The following PTPRD variants were observed in gnomAD, a reference collection of about 807,000 sequenced individuals.
PTPRD encodes receptor-type tyrosine-protein phosphatase delta.
A neutral mutation model predicts 214.5 loss-of-function variants in PTPRD; 34 were observed. That is an observed-to-expected ratio of 0.16 (90% CI 0.12 to 0.21). The LOEUF (loss-of-function observed/expected upper bound fraction) is 0.21. Ranked by LOEUF, PTPRD falls within the 10% of genes least tolerant of loss-of-function variation. The pLI is 1.00. For missense variants in PTPRD, 2,545 were observed against 2,398.7 expected (o/e 1.06, Z -1.27); for synonymous variants, 1,128 against 845.7 (o/e 1.33, Z -5.79).
At chr9:8,321,526 T>A (rs56702132) in intron 44 of PTPRD, among the ~76,000 whole-genome samples, 4,779 of 115,460 alleles carry the variant, frequency 0.041, 141 homozygotes, top group South Asian at 0.073. Context: ...TATATATATA[T>A]AAAAGGTATA....
intron 5 of PTPRD, among the ~76,000 whole-genome samples, chr9:9,797,542 C>T (rs987377745): frequency 1.3e-4 from 19 of 151,954 alleles, no homozygotes; most frequent in African/African-American, 1.9e-4. Context: ...CTATACTTGA[C>T]GAAAAGGATC....
rs150017686 is a variant in PTPRD at position 9,486,445 on chromosome 9, A to G, written c.-237+88287T>C. ...TCTTTCAGATTTCCAGCATTATTTGATGCTATGGAAAATTCCCTTCTTGAA... is the reference window on the plus strand; with the variant it reads ...TCTTTCAGATTTCCAGCATTATTTGGTGCTATGGAAAATTCCCTTCTTGAA... On this transcript the variant is annotated intron_variant, in intron 8 of 45. Transcript: ENST00000381196. Among the ~76,000 whole-genome samples, 573 of 152,224 alleles carry G rather than the reference A, an allele frequency of 3.8e-3. 6 individuals carry two copies. The highest frequency in any genetic ancestry group is 0.013 in the African/African-American group (525 of 41,552).
intron 2 of PTPRD, among the ~76,000 whole-genome samples, chr9:10,343,570 TG>T: frequency 6.6e-6 from 1 of 152,170 alleles, no homozygotes; most frequent in Non-Finnish European, 1.5e-5. Flanking sequence ...TCCACATGAT[TG>T]AACTAATTTA....
At chr9:9,973,100 A>G (rs144069412) in intron 4 of PTPRD, among the ~76,000 whole-genome samples, 22 of 152,152 alleles carry the variant, frequency 1.4e-4, no homozygotes, top group African/African-American at 5.1e-4. Flanking sequence ...CTCCTACCAG[A>G]AGGGAATAGT....
chr9:10,524,025 G>A (rs1319732765), intron 2 of PTPRD, among the ~76,000 whole-genome samples: 1 of 151,950 alleles, frequency 6.6e-6, no homozygotes. Flanking sequence ...AGCTAAGGGT[G>A]GTTCTCTGGC....
At chr9:9,068,497 C>T (rs78762537) in intron 10 of PTPRD, among the ~76,000 whole-genome samples, 3,043 of 152,228 alleles carry the variant, frequency 0.02, 104 homozygotes, top group African/African-American at 0.07. Context: ...TAGTTTCTGA[C>T]ATTCACTATC....
chr9:8,838,615 GA>G (rs754856125), intron 11 of PTPRD, among the ~76,000 whole-genome samples: 10 of 151,564 alleles, frequency 6.6e-5, no homozygotes, highest in Non-Finnish European at 1.2e-4. Context: ...TAGTTTGACA[GA>G]TTTTTTTTTT....
chr9:10,300,643 C>A (rs2095834913), intron 3 of PTPRD, among the ~76,000 whole-genome samples: 1 of 152,090 alleles, frequency 6.6e-6, no homozygotes, highest in Admixed American at 6.5e-5. Flanking sequence ...TAAACAAAGC[C>A]ACCAGGAAGT....
chr9:8,775,502 A>G (rs2095435153), intron 11 of PTPRD, among the ~76,000 whole-genome samples: 1 of 152,218 alleles, frequency 6.6e-6, no homozygotes, highest in Non-Finnish European at 1.5e-5. Flanking sequence ...TATGGAATAT[A>G]CTAATGCTTT....
rs546431437 is a variant in PTPRD at position 8,733,518 on chromosome 9, C to T, written c.64+262G>A. Among the ~76,000 whole-genome samples, 111 of 152,050 alleles carry T rather than the reference C, an allele frequency of 7.3e-4. 1 individual carries two copies. Among genetic ancestry groups the T allele is most frequent in the Non-Finnish European group, 1.4e-3 (93 of 67,992 alleles). ...GTCTCATAATATCTTTGCTACCAGG[C>T]TGATAAGAGGTATAAAAAAATAAAT... is the stretch of plus-strand genomic sequence containing the variant. On this transcript the variant is annotated intron_variant, in intron 12 of 45. Transcript: ENST00000381196.
At chr9:8,802,361 C>A (rs149338257) in intron 11 of PTPRD, among the ~76,000 whole-genome samples, 52 of 152,282 alleles carry the variant, frequency 3.4e-4, no homozygotes, top group Middle Eastern at 3.4e-3. Flanking sequence ...CTGACTCTCA[C>A]GCCATTAATA....
chr9:8,327,682 T>C (rs1421410999), intron 44 of PTPRD, among the ~76,000 whole-genome samples: 4 of 152,194 alleles, frequency 2.6e-5, no homozygotes, highest in African/African-American at 9.7e-5. Flanking sequence ...AGTCTCTTTG[T>C]AGGTCTCTAA....
intron 7 of PTPRD, among the ~76,000 whole-genome samples, chr9:9,659,132 A>G (rs1564373900): frequency 6.6e-6 from 1 of 152,146 alleles, no homozygotes. Flanking sequence ...TCACTAAACT[A>G]TATATTAGTA....
chr9:8,339,589 AAGTC>A (rs1850455284), intron 42 of PTPRD, among the ~76,000 whole-genome samples: 2 of 152,124 alleles, frequency 1.3e-5, no homozygotes, highest in African/African-American at 4.8e-5. Context: ...AAATCAGAGT[AAGTC>A]AGTTACTTTC....
At chr9:9,900,808 G>T (rs1189662998) in intron 5 of PTPRD, among the ~76,000 whole-genome samples, 3 of 151,496 alleles carry the variant, frequency 2.0e-5, no homozygotes, top group Non-Finnish European at 4.4e-5. Context: ...AGCTAACTTT[G>T]GTATTTTTAG....
intron 11 of PTPRD, among the ~76,000 whole-genome samples, chr9:8,886,113 C>G (rs1274582903): frequency 6.6e-6 from 1 of 152,154 alleles, no homozygotes; most frequent in African/African-American, 2.4e-5. Context: ...ACACCAACAT[C>G]TGGAAGAAAA....
intron 10 of PTPRD, among the ~76,000 whole-genome samples, chr9:9,138,793 AT>A (rs943952783): frequency 5.9e-5 from 9 of 152,202 alleles, no homozygotes; most frequent in African/African-American, 1.9e-4. Flanking sequence ...ATTAATAAGC[AT>A]TTTTTTGATA....
intron 3 of PTPRD, among the ~76,000 whole-genome samples, chr9:10,337,803 A>G (rs2096869493): frequency 6.6e-6 from 1 of 151,716 alleles, no homozygotes; most frequent in Non-Finnish European, 1.5e-5. Context: ...AACTTCTTCA[A>G]GATTATACAA....
At chr9:8,492,180 C>G (rs909103142) in intron 27 of PTPRD, among the ~76,000 whole-genome samples, 1 of 152,050 alleles carries the variant, frequency 6.6e-6, no homozygotes, top group African/African-American at 2.4e-5. Flanking sequence ...TTTAGAATCC[C>G]CACAGCAGGG....
Sources: allele counts gnomAD v4.1 joint callset (sites outside exome capture counted in the v4.1 genomes callset), GRCh38; gene constraint gnomAD v4.1.1; transcripts MANE v1.5; gene names NCBI Gene and HGNC (gene_info 2026-07-23, HGNC 2026-07-21).